The following KCNJ6 variants were observed in gnomAD, a reference collection of about 807,000 sequenced individuals.
KCNJ6 encodes G protein-activated inward rectifier potassium channel 2.
Under a neutral mutation model 34.2 loss-of-function variants are expected in KCNJ6, and 9 were observed. The ratio of observed to expected loss-of-function variants is 0.26; its 90% confidence interval spans 0.16 to 0.46. The LOEUF (loss-of-function observed/expected upper bound fraction) is 0.46, where lower values mean the gene tolerates loss of function less well. KCNJ6 is among the 20% of genes least tolerant of loss of function. The pLI, the probability that KCNJ6 is intolerant of heterozygous loss-of-function variation, is 1.00. For synonymous variants in KCNJ6, 196 were observed against 207.1 expected, an observed-to-expected ratio of 0.95 and a Z score of 0.46; for missense variants, 236 against 531.3, an observed-to-expected ratio of 0.44 and a Z score of 5.46.
intron 3 of KCNJ6, among the ~76,000 whole-genome samples, chr21:37,709,740 A>C (rs1396610046): frequency 1.3e-5 from 2 of 152,212 alleles, no homozygotes; most frequent in Non-Finnish European, 2.9e-5. Context: ...CATCTGTGAA[A>C]TGGGCAAAGA....
At chr21:37,651,213 C>A (rs2054431711) in intron 3 of KCNJ6, among the ~76,000 whole-genome samples, 1 of 152,066 alleles carries the variant, frequency 6.6e-6, no homozygotes, top group Admixed American at 6.6e-5. Flanking sequence ...AGAAGGGTAT[C>A]CCTGGACTGA....
chr21:37,784,988 C>A (rs111603063), intron 2 of KCNJ6, among the ~76,000 whole-genome samples: 2,097 of 152,266 alleles, frequency 0.014, 39 homozygotes, highest in Non-Finnish European at 0.019. Context: ...CTCCTAAGAG[C>A]CCCCAGACTC....
At chr21:37,723,792 T>C (rs1004411536) in intron 2 of KCNJ6, among the ~76,000 whole-genome samples, 1 of 152,128 alleles carries the variant, frequency 6.6e-6, no homozygotes, top group Non-Finnish European at 1.5e-5. Context: ...GCTCAAGGGT[T>C]GAAAACCTAT....
In KCNJ6 at chr21:37,622,017, C is replaced by T. The variant is rs1378976636; in HGVS notation, c.*3142G>A. ...GGTGAGAATCCGAGGAACTCAGCAG[C>T]CTTGTGGTGGGGGGTCATGCTTGCA... is the stretch of plus-strand genomic sequence containing the variant. On this transcript the variant is annotated 3_prime_UTR_variant, in exon 4 of 4. Transcript: ENST00000609713. The T allele has an allele frequency of 1.3e-5, 2 of 152,190 alleles. No individual in the cohort carries two copies. The highest frequency in any genetic ancestry group is 4.8e-5 in the African/African-American group (2 of 41,444). The allele number at this position is 152,190 out of a possible 1,614,324, so 9.4% of individuals were successfully genotyped here. A position where few individuals can be genotyped will look rare whatever the true frequency, so the allele number is the denominator to read the frequency against.
chr21:37,666,521 T>C (rs2054514364), intron 3 of KCNJ6, among the ~76,000 whole-genome samples: 1 of 152,186 alleles, frequency 6.6e-6, no homozygotes. Context: ...GTTCATTGTT[T>C]TCCCTTTAAA....
In KCNJ6 at chr21:37,840,409, A is replaced by G. The variant is rs554404229; in HGVS notation, c.25+249T>C. Among the ~76,000 whole-genome samples, 120 of 152,218 alleles carry G rather than the reference A, an allele frequency of 7.9e-4. 1 individual carries two copies. Among genetic ancestry groups the G allele is most frequent in the Non-Finnish European group, 1.4e-3 (98 of 68,040 alleles). On this transcript the variant is annotated intron_variant, in intron 2 of 3. Coordinates refer to ENST00000609713, the MANE Select transcript of KCNJ6 (RefSeq NM_002240.5). Reference sequence around the variant, plus strand: ...TCCCCAATGCAGTGTTACAAACAAAATCTATTTTTATTCTTCAGCTCCATA... The same window carrying G: ...TCCCCAATGCAGTGTTACAAACAAAGTCTATTTTTATTCTTCAGCTCCATA...
chr21:37,721,928 C>G (rs750203572), intron 2 of KCNJ6, among the ~76,000 whole-genome samples: 7 of 152,052 alleles, frequency 4.6e-5, no homozygotes, highest in Admixed American at 1.3e-4. Flanking sequence ...GAAAAGCAAG[C>G]ACAGGAAGTC....
At chr21:37,818,019 G>A (rs996694845) in intron 2 of KCNJ6, among the ~76,000 whole-genome samples, 5 of 152,196 alleles carry the variant, frequency 3.3e-5, no homozygotes, top group Non-Finnish European at 7.3e-5. Context: ...GAATGCACAT[G>A]AAGATGGCAT....
At chr21:37,660,143 G>A (rs897548611) in intron 3 of KCNJ6, among the ~76,000 whole-genome samples, 8 of 152,200 alleles carry the variant, frequency 5.3e-5, no homozygotes, top group East Asian at 1.9e-4. Flanking sequence ...TGAGACTCAC[G>A]TGCAGAGCTC....
chr21:37,856,583 C>T, intron 1 of KCNJ6, among the ~76,000 whole-genome samples: 1 of 151,946 alleles, frequency 6.6e-6, no homozygotes, highest in Non-Finnish European at 1.5e-5. Context: ...ATACTTAGGG[C>T]AACATATCCT....
Position 37,695,675 on chromosome 21 carries a change from T to G in KCNJ6, c.946+18536A>C, listed in dbSNP as rs1569447069. 6.6e-6 allele frequency among the ~76,000 whole-genome samples: 1 copy of G among 152,206 alleles called. No homozygotes were observed. The highest frequency in any genetic ancestry group is 1.5e-5 in the Non-Finnish European group (1 of 68,022). On this transcript the variant is annotated intron_variant, in intron 3 of 3. Coordinates refer to ENST00000609713, the MANE Select transcript of KCNJ6 (RefSeq NM_002240.5). This position sits in a 1 kb window ranked among gnomAD's most constrained non-coding sequence, Gnocchi z 4.2. ...ATGAGTTTAGTTCAGATACGTGTAC[T>G]TAGCAGCCAGTTAAGCTGGGCTAGA...
At chr21:37,897,508 T>G (rs1303685947) in intron 1 of KCNJ6, among the ~76,000 whole-genome samples, 1 of 152,238 alleles carries the variant, frequency 6.6e-6, no homozygotes, top group Non-Finnish European at 1.5e-5. Flanking sequence ...TTGCTTTAGC[T>G]GCTGACTGGC....
At chr21:37,729,230 G>T (rs763396070) in intron 2 of KCNJ6, among the ~76,000 whole-genome samples, 3 of 152,128 alleles carry the variant, frequency 2.0e-5, no homozygotes, top group Non-Finnish European at 4.4e-5. Context: ...ATGGCATATG[G>T]CTGGGTAAAA....
At chr21:37,694,136 A>G (rs1183748106) in intron 3 of KCNJ6, among the ~76,000 whole-genome samples, 1 of 152,184 alleles carries the variant, frequency 6.6e-6, no homozygotes, top group African/African-American at 2.4e-5. Context: ...CCCTCCTGGG[A>G]CAGAGGTGGT....
At chr21:37,866,856 T>C (rs2055625239) in intron 1 of KCNJ6, among the ~76,000 whole-genome samples, 1 of 152,212 alleles carries the variant, frequency 6.6e-6, no homozygotes, top group Non-Finnish European at 1.5e-5. Context: ...ACTGGATGTC[T>C]TCAATACAAA....
At chr21:37,752,967 TAAG>T (rs1372215691) in intron 2 of KCNJ6, among the ~76,000 whole-genome samples, 1 of 152,106 alleles carries the variant, frequency 6.6e-6, no homozygotes, top group Non-Finnish European at 1.5e-5. Context: ...TGTTATATAT[TAAG>T]TAGCCAAAGT....
At chr21:37,891,409 A>G (rs1463047738) in intron 1 of KCNJ6, among the ~76,000 whole-genome samples, 1 of 152,188 alleles carries the variant, frequency 6.6e-6, no homozygotes, top group East Asian at 1.9e-4. Context: ...ACACGATGTC[A>G]TTTTAGGTGT....
intron 2 of KCNJ6, among the ~76,000 whole-genome samples, chr21:37,768,713 A>G (rs1037754717): frequency 6.6e-6 from 1 of 152,262 alleles, no homozygotes; most frequent in Non-Finnish European, 1.5e-5. Flanking sequence ...AAGAGGCAAC[A>G]GGCTTATAAG....
intron 2 of KCNJ6, among the ~76,000 whole-genome samples, chr21:37,724,332 C>A (rs2054842899): frequency 6.6e-6 from 1 of 150,644 alleles, no homozygotes; most frequent in Non-Finnish European, 1.5e-5. Flanking sequence ...AAAAAAAAAA[C>A]TTTTTACAAC....
Sources: gnomAD v4.1 joint callset for allele counts (sites outside exome capture counted in the v4.1 genomes callset) on GRCh38, gnomAD v4.1.1 for gene constraint, Gnocchi (gnomAD v3.1) non-coding constraint, MANE v1.5 for transcripts, NCBI Gene and HGNC (gene_info 2026-07-23, HGNC 2026-07-21) for gene names.